The following SPECC1 variants were observed in gnomAD, a reference collection of about 807,000 sequenced individuals.
SPECC1 encodes the protein cytospin-B.
SPECC1 carries 62 observed loss-of-function variants against 104.1 expected under a neutral mutation model. The ratio of observed to expected loss-of-function variants is 0.60; its 90% confidence interval spans 0.49 to 0.74. The LOEUF (loss-of-function observed/expected upper bound fraction) is 0.74, where lower values mean the gene tolerates loss of function less well. Ranked by LOEUF, SPECC1 falls within the 30% of genes least tolerant of loss-of-function variation. The pLI is 0.00. For missense variants in SPECC1, 1,306 were observed against 1,310.5 expected, an observed-to-expected ratio of 1.00 and a Z score of 0.05; for synonymous variants, 513 against 501.6, an observed-to-expected ratio of 1.02 and a Z score of -0.30.
chr17:20,248,256 A>G (rs1244729993), intron 9 of SPECC1, among the ~76,000 whole-genome samples: 1 of 152,194 alleles, frequency 6.6e-6, no homozygotes, highest in Non-Finnish European at 1.5e-5. Flanking sequence ...ATCCTCTGAG[A>G]AGGGGCCTGT....
intron 3 of SPECC1, 90 bp from the exon 4 acceptor site, chr17:20,204,243 C>G: frequency 6.9e-7 from 1 of 1,443,270 alleles, no homozygotes; most frequent in Non-Finnish European, 9.4e-7. Context: ...CAGCCACTGT[C>G]CACTGTGCCA....
At chr17:20,099,884 T>C (rs2047858590) in intron 2 of SPECC1, among the ~76,000 whole-genome samples, 1 of 152,066 alleles carries the variant, frequency 6.6e-6, no homozygotes, top group African/African-American at 2.4e-5. Flanking sequence ...CTTGGTATCC[T>C]TGGGGGATTG....
chr17:20,185,744 T>C (rs886777115), intron 3 of SPECC1, among the ~76,000 whole-genome samples: 2 of 152,234 alleles, frequency 1.3e-5, no homozygotes, highest in African/African-American at 4.8e-5. Context: ...CCTCCACTAC[T>C]CCTTGCACCC....
At chr17:20,247,530 C>T (rs574979135) in intron 9 of SPECC1, among the ~76,000 whole-genome samples, 22 of 152,214 alleles carry the variant, frequency 1.4e-4, no homozygotes, top group African/African-American at 5.3e-4. Context: ...GTTCATTTTG[C>T]TTGCTGTTTT....
intron 12 of SPECC1, among the ~76,000 whole-genome samples, chr17:20,275,984 T>C (rs1260702838): frequency 2.0e-5 from 3 of 152,230 alleles, no homozygotes; most frequent in African/African-American, 7.2e-5. Flanking sequence ...ACCTTTTACT[T>C]CAGTTAATCC....
At chr17:20,037,658 TG>T (rs1312384902) in intron 1 of SPECC1, among the ~76,000 whole-genome samples, 1 of 152,144 alleles carries the variant, frequency 6.6e-6, no homozygotes, top group African/African-American at 2.4e-5. Context: ...GTAGAGTTGG[TG>T]GTAATTCTTC....
intron 1 of SPECC1, among the ~76,000 whole-genome samples, chr17:20,025,542 G>A (rs2152436920): frequency 6.6e-6 from 1 of 152,280 alleles, no homozygotes; most frequent in East Asian, 1.9e-4. Context: ...GTAGCTGGAT[G>A]TCACTCCTTG....
rs753394231 is a variant in SPECC1, at chr17:20,096,625, T to C, written c.-21-6T>C. The C allele has an allele frequency of 5.6e-6, 9 of 1,595,134 alleles. No homozygotes were observed. The highest frequency in any genetic ancestry group is 7.7e-6 in the Non-Finnish European group (9 of 1,168,878). The stretch of plus-strand genomic sequence containing the variant: ...AGACATGTTTTTCTTTTCTGCTCTT[T>C]TGCAGGACAGACCCACGAAGTCAAG... On this transcript the variant is annotated splice_polypyrimidine_tract_variant and splice_region_variant and intron_variant, in intron 1 of 14. Coordinates refer to ENST00000395527, the MANE Select transcript of SPECC1 (RefSeq NM_001243439.2).
intron 1 of SPECC1, among the ~76,000 whole-genome samples, chr17:20,036,707 C>T (rs1410014184): frequency 2.0e-5 from 3 of 152,146 alleles, no homozygotes; most frequent in Non-Finnish European, 4.4e-5. Context: ...GCCCCCCTAC[C>T]CCTAGTTGCT....
Position 20,194,502 on chromosome 17 carries a change from A to ATTTTTTT in SPECC1, c.284-9814_284-9808dup, listed in dbSNP as rs1209589252. Reference sequence around the variant, plus strand: ...TGTGTTCTGTTAGAAAAGAGAACGAATTTTTTTTTTTTTTTTTTTTTTTGA... The same window carrying ATTTTTTT: ...TGTGTTCTGTTAGAAAAGAGAACGAATTTTTTTTTTTTTTTTTTTTTTTTTTTTTTGA... On this transcript the variant is annotated intron_variant, in intron 3 of 14. Transcript: ENST00000395527. Among the ~76,000 whole-genome samples the ATTTTTTT allele has an allele frequency of 1.8e-3, 159 of 86,524 alleles. 5 individuals carry two copies. The highest frequency in any genetic ancestry group is 7.4e-3 in the African/African-American group (139 of 18,734). 56.8% of individuals were successfully genotyped at this position (86,524 alleles called of 152,430 possible). A position where few individuals can be genotyped will look rare whatever the true frequency, so the allele number is the denominator to read the frequency against.
chr17:20,111,726 T>C, intron 3 of SPECC1: 1 of 563,630 alleles, frequency 1.8e-6, no homozygotes, highest in Middle Eastern at 4.7e-4. Context: ...CGAATCCCAG[T>C]GGGTGGAGGG....
intron 5 of SPECC1, among the ~76,000 whole-genome samples, chr17:20,227,969 G>T (rs1050246379): frequency 2.0e-5 from 3 of 152,100 alleles, no homozygotes; most frequent in Admixed American, 6.5e-5. Flanking sequence ...GGTGACGAGG[G>T]GGGGTGGGTT....
intron 9 of SPECC1, among the ~76,000 whole-genome samples, chr17:20,252,298 G>T (rs1176141810): frequency 6.6e-6 from 1 of 151,926 alleles, no homozygotes; most frequent in Non-Finnish European, 1.5e-5. Flanking sequence ...CAGATTCAGG[G>T]TGTACATGTA....
chr17:20,246,980 TAC>T (rs1330518242), intron 8 of SPECC1, among the ~76,000 whole-genome samples: 2 of 152,238 alleles, frequency 1.3e-5, no homozygotes, highest in African/African-American at 4.8e-5. Context: ...TCATTATTTA[TAC>T]AGTTTCTTTT....
At position 20,245,959 on chromosome 17, in the gene SPECC1, C is replaced by T. The variant is rs765604997; in HGVS notation, c.2385C>T (p.Val795=). Residue 795 remains valine (V), a synonymous_variant, in exon 8 of 15, where the codon GTC becomes GTT. Coordinates refer to ENST00000395527, the MANE Select transcript of SPECC1 (RefSeq NM_001243439.2). ...ATGAAGAGCCAGAGTCCTCTGAGGT[C>T]GATGCTGCTGGTCGGTGGCCTGGTG... ...PVDEEPESSE[V]DAAGRWPGVC... 7 of 1,614,140 alleles carry T rather than the reference C, an allele frequency of 4.3e-6. No homozygotes were observed. The highest frequency in any genetic ancestry group is 1.1e-5 in the South Asian group (1 of 91,072).
At position 20,111,811 on chromosome 17, in the gene SPECC1, G is replaced by A. The variant is rs972084849; in HGVS notation, c.283+1249G>A. ...GTGGTGGCTCACTCAGGACCCAGGG[G>A]GGGGGCAGCGCGATGAGGTGGGTGG... is the stretch of plus-strand genomic sequence containing the variant. On this transcript the variant is annotated intron_variant, in intron 3 of 14. Coordinates refer to ENST00000395527, the MANE Select transcript of SPECC1 (RefSeq NM_001243439.2). 951 of 829,608 alleles carry A rather than the reference G, an allele frequency of 1.1e-3. 2 individuals are homozygous for A. Among genetic ancestry groups the A allele is most frequent in the Non-Finnish European group, 1.7e-3 (819 of 469,506 alleles). The allele number at this position is 829,608 out of a possible 1,614,324, so 51.4% of individuals were successfully genotyped here.
chr17:20,181,439 T>C (rs369148326), intron 3 of SPECC1, among the ~76,000 whole-genome samples: 1 of 152,118 alleles, frequency 6.6e-6, no homozygotes, highest in African/African-American at 2.4e-5. Flanking sequence ...TCCATTGTTA[T>C]AGGTATGGAA....
intron 3 of SPECC1, among the ~76,000 whole-genome samples, chr17:20,151,518 T>C (rs2032005156): frequency 6.6e-6 from 1 of 152,198 alleles, no homozygotes; most frequent in African/African-American, 2.4e-5. Flanking sequence ...GCTTTTTTTA[T>C]AGTCATCACA....
intron 9 of SPECC1, among the ~76,000 whole-genome samples, chr17:20,247,985 A>G (rs2039486821): frequency 6.6e-6 from 1 of 152,198 alleles, no homozygotes; most frequent in Non-Finnish European, 1.5e-5. Flanking sequence ...TGTTTCTGCC[A>G]GAATCGGGAA....
Sources: gnomAD v4.1 joint callset for allele counts (sites outside exome capture counted in the v4.1 genomes callset) on GRCh38, gnomAD v4.1.1 for gene constraint, MANE v1.5 for transcripts, NCBI Gene and HGNC (gene_info 2026-07-23, HGNC 2026-07-21) for gene names.